The following SYT16 variants were observed in gnomAD, a reference collection of about 807,000 sequenced individuals.
SYT16 encodes synaptotagmin-16.
Under a neutral mutation model 61.4 loss-of-function variants are expected in SYT16, and 42 were observed. The observed-to-expected ratio is 0.68, with a 90% CI of 0.53 to 0.89. The LOEUF is 0.89. Among genes scored for constraint, SYT16 ranks in the 40% least tolerant of loss-of-function variants. The pLI is 0.00. For missense variants in SYT16, 804 were observed against 807.3 expected, an observed-to-expected ratio of 1.00 and a Z score of 0.05; for synonymous variants, 314 against 302.3, an observed-to-expected ratio of 1.04 and a Z score of -0.40.
intron 1 of SYT16, among the ~76,000 whole-genome samples, chr14:61,949,390 C>T (rs1359849670): frequency 2.6e-5 from 4 of 152,158 alleles, no homozygotes; most frequent in Non-Finnish European, 5.9e-5. Context: ...ATGAACCAGT[C>T]CACAGAGACT....
chr14:62,069,568 C>T, intron 3 of SYT16, 35 bp from the exon 4 acceptor site: 1 of 1,585,656 alleles, frequency 6.3e-7, no homozygotes, highest in Non-Finnish European at 8.7e-7. Context: ...GCATATAGGC[C>T]ACACAGGAGA....
chr14:62,050,499 G>A (rs1290124707), intron 3 of SYT16, among the ~76,000 whole-genome samples: 1 of 152,190 alleles, frequency 6.6e-6, no homozygotes, highest in Non-Finnish European at 1.5e-5. Flanking sequence ...GTCCAGCTTT[G>A]TTCTGTTGCT....
At chr14:61,861,066 G>A (rs1316130877) in intron 1 of SYT16, among the ~76,000 whole-genome samples, 1 of 152,192 alleles carries the variant, frequency 6.6e-6, no homozygotes, top group Non-Finnish European at 1.5e-5. Context: ...GGACCAGCAA[G>A]GAGTGAACTA....
At chr14:61,987,721 A>G (rs1242121175) in intron 2 of SYT16, among the ~76,000 whole-genome samples, 1 of 144,764 alleles carries the variant, frequency 6.9e-6, no homozygotes, top group Non-Finnish European at 1.5e-5. Context: ...GTTATGGTGG[A>G]GGGATTAGGA....
intron 3 of SYT16, among the ~76,000 whole-genome samples, chr14:62,037,134 A>G (rs1399112487): frequency 2.0e-5 from 3 of 152,168 alleles, no homozygotes; most frequent in Admixed American, 6.5e-5. Flanking sequence ...AGCTACAGTC[A>G]GGTCTCAGAT....
chr14:62,095,071 G>A (rs1446295792), intron 7 of SYT16, among the ~76,000 whole-genome samples: 2 of 151,880 alleles, frequency 1.3e-5, no homozygotes, highest in African/African-American at 4.8e-5. Context: ...TCATTTTAAG[G>A]GTTTATATCT....
rs1225287262 is a variant in SYT16, at chr14:62,000,103, T to G, written c.523+3561T>G. 1.7e-3 allele frequency among the ~76,000 whole-genome samples: 134 copies of G among 80,120 alleles called. 11 individuals carry two copies. Among genetic ancestry groups the G allele is most frequent in the Non-Finnish European group, 2.2e-3 (68 of 30,388 alleles). 52.6% of individuals were successfully genotyped at this position (80,120 alleles called of 152,430 possible). A position where few individuals can be genotyped will look rare whatever the true frequency, so the allele number is the denominator to read the frequency against. ...TAATACTTATTTTGTCTCTCGATTT[T>G]TTTTTTTTTTTTTTTTTTTTTTTTT... is the stretch of plus-strand genomic sequence containing the variant. On this transcript the variant is annotated intron_variant, in intron 3 of 7. Transcript: ENST00000683842.
At position 62,075,325 on chromosome 14, in the gene SYT16, A is replaced by C. The variant is rs756343757; in HGVS notation, c.927A>C (p.Thr309=). 3.7e-6 allele frequency: 6 copies of C among 1,613,950 alleles called. No individual in the cohort carries two copies. The highest frequency in any genetic ancestry group is 5.1e-6 in the Non-Finnish European group (6 of 1,179,856). The change falls in exon 5 of 8, where the codon ACA becomes ACC. Residue 309 remains threonine, a synonymous_variant. Coordinates refer to ENST00000683842, the MANE Select transcript of SYT16 (RefSeq NM_001367656.1). ...CAGAGGGCAGCTTGGAGATGGAGAC[A>C]GCTTTTAATAGCCGGGGATTTGAAG... The part of the protein sequence containing the change: ...QSTEGSLEME[T]AFNSRGFEDS...
At chr14:61,942,971 A>G (rs2050265729) in intron 1 of SYT16, among the ~76,000 whole-genome samples, 1 of 151,874 alleles carries the variant, frequency 6.6e-6, no homozygotes, top group Admixed American at 6.6e-5. Flanking sequence ...TTAATAAAAT[A>G]GATAGACCAC....
At chr14:61,940,990 C>T (rs1249548165) in intron 1 of SYT16, among the ~76,000 whole-genome samples, 1 of 152,166 alleles carries the variant, frequency 6.6e-6, no homozygotes, top group Admixed American at 6.5e-5. Context: ...TGACATTTGC[C>T]CCTTTCCCGT....
rs759133953 is a variant in SYT16 at position 62,075,118 on chromosome 14, T to C, written c.737-17T>C. The C allele has an allele frequency of 1.3e-6, 2 of 1,587,492 alleles. No homozygotes were observed. Among genetic ancestry groups the C allele is most frequent in the Non-Finnish European group, 1.7e-6 (2 of 1,162,998 alleles). On this transcript the variant is annotated splice_polypyrimidine_tract_variant and intron_variant, in intron 4 of 7. Transcript: ENST00000683842. ...AAAAATAATGCATTTGAAATGGTTT[T>C]CTTATTGCAAATTTAGATTTGGATG...
At chr14:62,069,518 T>C in intron 3 of SYT16, 85 bp from the exon 4 acceptor site, 6 of 1,336,064 alleles carry the variant, frequency 4.5e-6, no homozygotes, top group Non-Finnish European at 6.3e-6. Flanking sequence ...GTCCACGTTC[T>C]TCTCTTCTGT....
chr14:62,109,881 C>T lies in SYT16; in HGVS notation c.*9174C>T, dbSNP rs1566862451. The T allele has an allele frequency of 6.6e-6, 1 of 152,142 alleles. No homozygotes were observed. The highest frequency in any genetic ancestry group is 2.4e-5 in the African/African-American group (1 of 41,442). The allele number at this position is 152,142 out of a possible 1,614,324, so 9.4% of individuals were successfully genotyped here. Reference sequence around the variant, plus strand: ...TTGTGCCCCGTCATAGTTAATTGTACAAATCAATTAAAAATGGTATGTAAG... The same window carrying T: ...TTGTGCCCCGTCATAGTTAATTGTATAAATCAATTAAAAATGGTATGTAAG... On this transcript the variant is annotated 3_prime_UTR_variant, in exon 8 of 8. Coordinates refer to ENST00000683842, the MANE Select transcript of SYT16 (RefSeq NM_001367656.1).
chr14:61,908,626 A>T (rs2048812390), intron 1 of SYT16, among the ~76,000 whole-genome samples: 1 of 152,138 alleles, frequency 6.6e-6, no homozygotes, highest in Non-Finnish European at 1.5e-5. Flanking sequence ...GGATGGAAGG[A>T]AGGTCTGACT....
At chr14:61,817,580 A>C (rs1411149619) in intron 1 of SYT16, among the ~76,000 whole-genome samples, 2 of 152,206 alleles carry the variant, frequency 1.3e-5, no homozygotes, top group Non-Finnish European at 2.9e-5. Flanking sequence ...GACATTCTGT[A>C]AGTCAGTGTC....
At chr14:62,015,705 A>T (rs1239667254) in intron 3 of SYT16, among the ~76,000 whole-genome samples, 1 of 152,186 alleles carries the variant, frequency 6.6e-6, no homozygotes, top group African/African-American at 2.4e-5. Flanking sequence ...CTCCTCTACC[A>T]TGTGAGGACA....
intron 2 of SYT16, among the ~76,000 whole-genome samples, chr14:61,972,020 G>A (rs1399907493): frequency 6.6e-6 from 1 of 152,164 alleles, no homozygotes; most frequent in Non-Finnish European, 1.5e-5. Context: ...CTCGTTATGT[G>A]ACCTTGGCAA....
intron 1 of SYT16, among the ~76,000 whole-genome samples, chr14:61,927,491 A>G (rs534890296): frequency 1.3e-5 from 2 of 152,374 alleles, no homozygotes; most frequent in East Asian, 3.8e-4. Flanking sequence ...AATTACTTAC[A>G]GTTTGACAGC....
rs2057545338 is a variant in SYT16, at chr14:62,108,198, A to G, written c.*7491A>G. 1.3e-5 allele frequency: 2 copies of G among 152,218 alleles called. No individual in the cohort carries two copies. The highest frequency in any genetic ancestry group is 6.5e-5 in the Admixed American group (1 of 15,278). The allele number at this position is 152,218 out of a possible 1,614,324, so 9.4% of individuals were successfully genotyped here. A position where few individuals can be genotyped will look rare whatever the true frequency, so the allele number is the denominator to read the frequency against. On this transcript the variant is annotated 3_prime_UTR_variant, in exon 8 of 8. Transcript: ENST00000683842. ...TTTTTCCTAGACTCAACCCATTTTTAAAGCAGGAGTTTTTCCAATGGATTT... is the reference window on the plus strand; with the variant it reads ...TTTTTCCTAGACTCAACCCATTTTTGAAGCAGGAGTTTTTCCAATGGATTT...
Sources: allele counts gnomAD v4.1 joint callset (sites outside exome capture counted in the v4.1 genomes callset), GRCh38; gene constraint gnomAD v4.1.1; transcripts MANE v1.5; gene names NCBI Gene and HGNC (gene_info 2026-07-23, HGNC 2026-07-21).